Variants in FER observed in about 807,000 individuals in gnomAD.
The protein encoded by FER is tyrosine-protein kinase Fer.
Under a neutral mutation model 111.0 loss-of-function variants are expected in FER, and 63 were observed. The observed-to-expected ratio is 0.57, with a 90% confidence interval of 0.46 to 0.70. FER has a LOEUF of 0.70. Ranked by LOEUF, FER falls within the 30% of genes least tolerant of loss-of-function variation. FER has a pLI of 0.00. For missense variants in FER, 914 were observed against 954.0 expected (o/e 0.96, Z 0.55); for synonymous variants, 327 against 313.9 (o/e 1.04, Z -0.44).
intron 16 of FER, among the ~76,000 whole-genome samples, chr5:109,061,825 C>T (rs1156749925): frequency 6.6e-6 from 1 of 152,130 alleles, no homozygotes; most frequent in Non-Finnish European, 1.5e-5. Flanking sequence ...CAAATCATTT[C>T]TAAAATGTAT....
intron 17 of FER, among the ~76,000 whole-genome samples, chr5:109,127,825 G>T (rs1287885096): frequency 2.0e-5 from 3 of 152,078 alleles, no homozygotes; most frequent in Admixed American, 2.0e-4. Flanking sequence ...CCCAGAATCA[G>T]CCATATGTTC....
At chr5:109,050,637 T>C (rs1047163344) in intron 16 of FER, among the ~76,000 whole-genome samples, 7 of 152,190 alleles carry the variant, frequency 4.6e-5, no homozygotes, top group Non-Finnish European at 8.8e-5. Context: ...ATGGTAATGA[T>C]ATGGTGCAAG....
intron 3 of FER, among the ~76,000 whole-genome samples, chr5:108,809,638 C>T (rs1561451943): frequency 6.6e-6 from 1 of 152,208 alleles, no homozygotes. Flanking sequence ...TCACAGCTCT[C>T]TTCAGCCTTG....
At position 108,921,617 on chromosome 5, in the gene FER, G is replaced by A. The variant is rs137929528; in HGVS notation, c.1236+23769G>A. 8.3e-3 allele frequency among the ~76,000 whole-genome samples: 1,264 copies of A among 152,194 alleles called. 12 individuals carry two copies. Among genetic ancestry groups the A allele is most frequent in the Middle Eastern group, 0.034 (10 of 294 alleles). On this transcript the variant is annotated intron_variant, in intron 10 of 19. Transcript: ENST00000281092. ...TCAGTGGAAGAAATCATACCTGACC[G>A]ATTATTCTTAGAGTCTTTTTTTATG... is the stretch of plus-strand genomic sequence containing the variant.
chr5:109,115,858 C>A (rs74509334), intron 17 of FER, among the ~76,000 whole-genome samples: 6,162 of 152,024 alleles, frequency 0.041, 146 homozygotes, highest in Middle Eastern at 0.11. Context: ...TTTCTTCTTA[C>A]CCCTCTCCTC....
intron 16 of FER, among the ~76,000 whole-genome samples, chr5:109,083,859 C>T (rs953130659): frequency 1.3e-5 from 2 of 152,024 alleles, no homozygotes; most frequent in African/African-American, 4.8e-5. Context: ...TCCATCTAGG[C>T]TCATCCCCAA....
intron 17 of FER, among the ~76,000 whole-genome samples, chr5:109,147,576 T>A (rs1006016563): frequency 6.6e-6 from 1 of 152,074 alleles, no homozygotes; most frequent in Non-Finnish European, 1.5e-5. Context: ...AACAATAGTA[T>A]GCCCATTTGT....
intron 13 of FER, among the ~76,000 whole-genome samples, chr5:108,976,633 C>T (rs947210368): frequency 1.2e-4 from 19 of 152,142 alleles, no homozygotes; most frequent in Non-Finnish European, 1.0e-4. Flanking sequence ...TTACTGATAA[C>T]ATATTTAACA....
chr5:109,034,225 G>C (rs1178675857), intron 13 of FER, among the ~76,000 whole-genome samples: 6 of 151,972 alleles, frequency 3.9e-5, no homozygotes, highest in Non-Finnish European at 1.5e-5. Flanking sequence ...ACTTAGACTG[G>C]ATAATTTCTG....
chr5:109,030,079 C>G (rs1486308373), intron 13 of FER, among the ~76,000 whole-genome samples: 1 of 152,010 alleles, frequency 6.6e-6, no homozygotes, highest in Non-Finnish European at 1.5e-5. Flanking sequence ...TGATTAGCCT[C>G]TCTTATCTTC....
At chr5:108,986,862 T>C (rs1361704700) in intron 13 of FER, among the ~76,000 whole-genome samples, 1 of 152,230 alleles carries the variant, frequency 6.6e-6, no homozygotes, top group East Asian at 1.9e-4. Context: ...TAGCATAATT[T>C]GGAGTCAGGT....
In FER at chr5:108,883,502, T is replaced by A; in HGVS notation, c.1030T>A (p.Cys344Ser). 1 of 1,603,564 alleles carries A rather than the reference T, an allele frequency of 6.2e-7. No individual in the cohort carries two copies. Among genetic ancestry groups the A allele is most frequent in the Non-Finnish European group, 8.5e-7 (1 of 1,173,970 alleles). Residue 344 changes from cysteine to serine, a missense_variant, in exon 9 of 20, where the codon TGT (cysteine) becomes AGT (serine). By Grantham distance (112) the Cys-to-Ser change is moderately radical (BLOSUM62 -1). Coordinates refer to ENST00000281092, the MANE Select transcript of FER (RefSeq NM_005246.4). Reference sequence around the variant, plus strand: ...GAGAATTGAAGAATCTTCTGAAACTTGTGAGAAGAAGTCTGAGTGAGTAAA... The same window carrying A: ...GAGAATTGAAGAATCTTCTGAAACTAGTGAGAAGAAGTCTGAGTGAGTAAA... ...EKRIEESSETCEKKSDIVLLL... is the reference protein window; with the variant it reads ...EKRIEESSETSEKKSDIVLLL...
intron 4 of FER, among the ~76,000 whole-genome samples, chr5:108,835,306 C>T (rs529041594): frequency 1.3e-5 from 2 of 150,430 alleles, no homozygotes; most frequent in East Asian, 2.0e-4. Context: ...CTCATCCTCC[C>T]GAGTAGCTGG....
intron 16 of FER, among the ~76,000 whole-genome samples, chr5:109,083,400 A>C (rs1278404360): frequency 6.6e-6 from 1 of 152,012 alleles, no homozygotes; most frequent in Non-Finnish European, 1.5e-5. Flanking sequence ...ATCAAACCTT[A>C]AATCAATATT....
chr5:108,934,833 G>T (rs1428068164), intron 10 of FER, among the ~76,000 whole-genome samples: 1 of 152,086 alleles, frequency 6.6e-6, no homozygotes, highest in Non-Finnish European at 1.5e-5. Context: ...TCTGACAGTG[G>T]ATTTTGGGGC....
At chr5:108,851,346 T>C (rs1285684702) in intron 5 of FER, among the ~76,000 whole-genome samples, 3 of 152,162 alleles carry the variant, frequency 2.0e-5, no homozygotes, top group Admixed American at 1.3e-4. Flanking sequence ...ATGAGACTTA[T>C]TCACGTGAGA....
At chr5:108,852,950 C>A (rs777576776) in intron 5 of FER, among the ~76,000 whole-genome samples, 1 of 151,994 alleles carries the variant, frequency 6.6e-6, no homozygotes, top group Non-Finnish European at 1.5e-5. Context: ...GTATTACTTC[C>A]TAAATTTGTC....
intron 13 of FER, among the ~76,000 whole-genome samples, chr5:108,966,040 G>A (rs1759764589): frequency 6.6e-6 from 1 of 152,148 alleles, no homozygotes. Flanking sequence ...TTGAGGAAAA[G>A]CAATGCTAGT....
chr5:109,138,590 TCTGGGTTATTTTTGTTTGTTTGAA>T lies in FER; in HGVS notation c.2048+38072_2048+38095del, dbSNP rs573019554. Among the ~76,000 whole-genome samples, 1,356 of 152,304 alleles carry T rather than the reference TCTGGGTTATTTTTGTTTGTTTGAA, an allele frequency of 8.9e-3. 8 individuals are homozygous for T. Among genetic ancestry groups the T allele is most frequent in the Non-Finnish European group, 0.013 (869 of 68,028 alleles). On this transcript the variant is annotated intron_variant, in intron 17 of 19. Coordinates refer to ENST00000281092, the MANE Select transcript of FER (RefSeq NM_005246.4). Reference sequence around the variant, plus strand: ...GACTTAGTTACTCTCCCCAACCCCTTCTGGGTTATTTTTGTTTGTTTGAAGAAATGTTATTGCCTCAAAAATTCT... The same window carrying T: ...GACTTAGTTACTCTCCCCAACCCCTTGAAATGTTATTGCCTCAAAAATTCT...
Sources: gnomAD v4.1 joint callset for allele counts (sites outside exome capture counted in the v4.1 genomes callset) on GRCh38, gnomAD v4.1.1 for gene constraint, MANE v1.5 for transcripts, NCBI Gene and HGNC (gene_info 2026-07-23, HGNC 2026-07-21) for gene names.